Variants in CCDC192 observed in about 807,000 individuals in gnomAD.
The protein encoded by CCDC192 is coiled-coil domain-containing protein 192.
At chr5:127,719,542 TATATATATATATATATACACACATAC>T (rs1332256104) in intron 2 of CCDC192, among the ~76,000 whole-genome samples, 1,464 of 35,164 alleles carry the variant, frequency 0.042, 55 homozygotes, top group Non-Finnish European at 0.06. Flanking sequence ...TACATATATA[TATATATATATATATATACACACATAC>T]ATATATATAT....
At chr5:127,866,268 A>G (rs945980887) in intron 5 of CCDC192, among the ~76,000 whole-genome samples, 4 of 151,932 alleles carry the variant, frequency 2.6e-5, no homozygotes, top group Non-Finnish European at 4.4e-5. Context: ...AAGAGTCAAA[A>G]AGGAAAACCA....
intron 5 of CCDC192, among the ~76,000 whole-genome samples, chr5:127,855,920 A>G (rs1288343575): frequency 6.6e-6 from 1 of 152,256 alleles, no homozygotes; most frequent in African/African-American, 2.4e-5. Context: ...CGTTCCATTT[A>G]TAGAGCACAG....
chr5:127,780,239 A>G (rs1272609686), intron 3 of CCDC192, among the ~76,000 whole-genome samples: 4 of 152,086 alleles, frequency 2.6e-5, no homozygotes, highest in African/African-American at 9.7e-5. Context: ...TGGTTCCACA[A>G]TTTTGCAATT....
chr5:127,750,209 G>C (rs1187928341), intron 2 of CCDC192, among the ~76,000 whole-genome samples: 1 of 152,152 alleles, frequency 6.6e-6, no homozygotes, highest in East Asian at 1.9e-4. Context: ...TGATGTTAGG[G>C]TGTCAATTTT....
chr5:127,894,187 A>ATTTT (rs70997350), intron 6 of CCDC192, among the ~76,000 whole-genome samples: 3 of 111,026 alleles, frequency 2.7e-5, no homozygotes, highest in African/African-American at 6.3e-5. Flanking sequence ...GTCCTATCTA[A>ATTTT]TTTTTTTTTT....
chr5:127,752,639 AC>A (rs751073138), intron 2 of CCDC192, among the ~76,000 whole-genome samples: 4 of 152,182 alleles, frequency 2.6e-5, no homozygotes, highest in Non-Finnish European at 5.9e-5. Flanking sequence ...GGTGGGCTCC[AC>A]CCAGTTAGAG....
chr5:127,763,283 C>CCAGT (rs1243695695), intron 3 of CCDC192, among the ~76,000 whole-genome samples: 1 of 152,178 alleles, frequency 6.6e-6, no homozygotes, highest in Non-Finnish European at 1.5e-5. Context: ...ATTCCCTAGG[C>CCAGT]CAGTGATCAG....
intron 2 of CCDC192, among the ~76,000 whole-genome samples, chr5:127,737,018 T>C (rs1043459940): frequency 3.3e-5 from 5 of 151,204 alleles, no homozygotes; most frequent in Non-Finnish European, 7.4e-5. Context: ...TTAATTGTGA[T>C]GTTAGGGTGT....
In CCDC192 at chr5:127,764,393, G is replaced by A. The variant is rs1442505244; in HGVS notation, c.222+10018G>A. 2.6e-5 allele frequency among the ~76,000 whole-genome samples: 4 copies of A among 152,146 alleles called. No homozygotes were observed. The East Asian group carries it at 7.7e-4, about 29-fold the overall frequency. The stretch of plus-strand genomic sequence containing the variant: ...GATTAATTAAATGTAGAAGTTGAAG[G>A]GAAAGTAGGATTCAAGACAGATCCC... On this transcript the variant is annotated intron_variant, in intron 3 of 6. Transcript: ENST00000514853.
intron 2 of CCDC192, among the ~76,000 whole-genome samples, chr5:127,722,362 C>G (rs1200632596): frequency 6.6e-6 from 1 of 151,596 alleles, no homozygotes; most frequent in Admixed American, 6.6e-5. Context: ...GGCTATGAAT[C>G]CCTTGTCAGA....
chr5:127,747,274 A>C lies in CCDC192; in HGVS notation c.115-6994A>C, dbSNP rs1446579106. Among the ~76,000 whole-genome samples, 3 of 150,760 alleles carry C rather than the reference A, an allele frequency of 2.0e-5. No homozygotes were observed. In the East Asian group the frequency reaches 5.9e-4, roughly 30 times the overall value. ...CTCCCCCCTCTCCCCACCCCGCAAC[A>C]GTCCCCAGAGTGTGATGTTCCCCTT... On this transcript the variant is annotated intron_variant, in intron 2 of 6. Transcript: ENST00000514853.
chr5:127,875,422 G>A (rs1752035436), intron 5 of CCDC192, 116 bp from the exon 6 acceptor site: 1 of 390,240 alleles, frequency 2.6e-6, no homozygotes, highest in African/African-American at 2.1e-5. Context: ...TAAACAGGGA[G>A]TGTTTCATCT....
At chr5:127,740,813 T>G (rs1328764097) in intron 2 of CCDC192, among the ~76,000 whole-genome samples, 5 of 152,286 alleles carry the variant, frequency 3.3e-5, no homozygotes, top group African/African-American at 1.2e-4. Context: ...ATGAGCTGAC[T>G]TGAAAGTCCT....
chr5:127,749,964 C>A (rs1218572830), intron 2 of CCDC192, among the ~76,000 whole-genome samples: 2 of 151,860 alleles, frequency 1.3e-5, no homozygotes, highest in African/African-American at 2.4e-5. Flanking sequence ...GTGATATCCC[C>A]TTTATCATTT....
At chr5:127,852,538 C>T (rs545252499) in intron 5 of CCDC192, among the ~76,000 whole-genome samples, 107 of 152,304 alleles carry the variant, frequency 7.0e-4, no homozygotes, top group African/African-American at 2.5e-3. Context: ...CTCCATCTCA[C>T]GTTTCGGGGT....
chr5:127,710,370 G>A (rs1438787095), intron 2 of CCDC192, among the ~76,000 whole-genome samples: 3 of 151,962 alleles, frequency 2.0e-5, no homozygotes, highest in Middle Eastern at 3.4e-3. Flanking sequence ...AGTTTTGGTC[G>A]AGAAGACAGA....
At chr5:127,852,995 C>A (rs930070670) in intron 5 of CCDC192, among the ~76,000 whole-genome samples, 11 of 152,056 alleles carry the variant, frequency 7.2e-5, no homozygotes, top group African/African-American at 2.4e-4. Context: ...GAGGCTGAGG[C>A]AGGAGAAAGG....
intron 5 of CCDC192, among the ~76,000 whole-genome samples, chr5:127,801,909 G>C (rs1257835292): frequency 6.6e-6 from 1 of 152,152 alleles, no homozygotes; most frequent in Non-Finnish European, 1.5e-5. Context: ...ATTATCTGTT[G>C]GCTACCTAAG....
intron 6 of CCDC192, among the ~76,000 whole-genome samples, chr5:127,921,881 A>C (rs1321003255): frequency 6.6e-6 from 1 of 152,164 alleles, no homozygotes; most frequent in African/African-American, 2.4e-5. Flanking sequence ...AAACTTTGTG[A>C]TGTATGTGGT....
Sources: gnomAD v4.1 joint callset for allele counts (sites outside exome capture counted in the v4.1 genomes callset) on GRCh38, gnomAD v4.1.1 for gene constraint, MANE v1.5 for transcripts, NCBI Gene and HGNC (gene_info 2026-07-23, HGNC 2026-07-21) for gene names.